The following MAP3K20 variants were observed in gnomAD, a reference collection of about 807,000 sequenced individuals.
MAP3K20 encodes mitogen-activated protein kinase kinase kinase 20.
In MAP3K20, 40 loss-of-function variants were observed where a neutral mutation model predicts 85.7. The observed-to-expected ratio is 0.47, with a 90% CI of 0.36 to 0.61. The LOEUF (loss-of-function observed/expected upper bound fraction) is 0.61, where lower values mean the gene tolerates loss of function less well. Among genes scored for constraint, MAP3K20 ranks in the 20% least tolerant of loss-of-function variants. MAP3K20 has a pLI of 0.00. For synonymous variants in MAP3K20, 325 were observed against 327.7 expected, an observed-to-expected ratio of 0.99 and a Z score of 0.09; for missense variants, 817 against 961.7, an observed-to-expected ratio of 0.85 and a Z score of 1.99.
At chr2:173,164,856 G>A (rs1390613224) in intron 2 of MAP3K20, among the ~76,000 whole-genome samples, 1 of 152,042 alleles carries the variant, frequency 6.6e-6, no homozygotes, top group Non-Finnish European at 1.5e-5. Flanking sequence ...CTAATGGCTC[G>A]TTTTCCCCTG....
intron 8 of MAP3K20, among the ~76,000 whole-genome samples, chr2:173,200,830 C>A (rs1219926517): frequency 6.6e-6 from 1 of 152,118 alleles, no homozygotes; most frequent in African/African-American, 2.4e-5. Flanking sequence ...TGGGGTTTCA[C>A]CATATTGGCC....
chr2:173,090,590 G>A, intron 1 of MAP3K20: 1 of 983,286 alleles, frequency 1.0e-6, no homozygotes. Context: ...AGCGTGGAGA[G>A]GTGGCATGCC....
chr2:173,165,262 C>G (rs1388374596), intron 2 of MAP3K20, among the ~76,000 whole-genome samples: 1 of 151,152 alleles, frequency 6.6e-6, no homozygotes, highest in Non-Finnish European at 1.5e-5. Context: ...AAAAAAAATA[C>G]AAAAATTAGC....
chr2:173,227,349 C>T (rs1173852426), intron 11 of MAP3K20, among the ~76,000 whole-genome samples: 2 of 152,032 alleles, frequency 1.3e-5, no homozygotes, highest in Non-Finnish European at 2.9e-5. Context: ...GAAAGAAAGG[C>T]TTAGAACTCA....
At chr2:173,260,765 CA>C (rs1685273726) in intron 17 of MAP3K20, among the ~76,000 whole-genome samples, 2 of 152,312 alleles carry the variant, frequency 1.3e-5, no homozygotes, top group South Asian at 4.1e-4. Context: ...CAAACTTTAG[CA>C]AGAATTAATG....
At chr2:173,210,416 G>GTGTT (rs1683851067) in intron 10 of MAP3K20, 1 of 153,166 alleles carries the variant, frequency 6.5e-6, no homozygotes, top group African/African-American at 2.4e-5. Flanking sequence ...ACATTTCTCT[G>GTGTT]TGTTTACTTT....
At chr2:173,181,956 T>G (rs1690343858) in intron 3 of MAP3K20, among the ~76,000 whole-genome samples, 1 of 150,924 alleles carries the variant, frequency 6.6e-6, no homozygotes, top group African/African-American at 2.4e-5. Context: ...CTTGGGAGGC[T>G]GAGGTGGGAG....
At chr2:173,137,655 T>G (rs1191900311) in intron 2 of MAP3K20, among the ~76,000 whole-genome samples, 1 of 152,218 alleles carries the variant, frequency 6.6e-6, no homozygotes, top group Non-Finnish European at 1.5e-5. Flanking sequence ...GTTTATAAAA[T>G]ATTCTTTTGA....
chr2:173,175,780 C>T (rs768403070), intron 3 of MAP3K20, among the ~76,000 whole-genome samples: 25 of 152,096 alleles, frequency 1.6e-4, no homozygotes, highest in Non-Finnish European at 3.1e-4. Flanking sequence ...ATTTCTTAGG[C>T]GTTTTGCTGG....
intron 16 of MAP3K20, among the ~76,000 whole-genome samples, chr2:173,240,886 AATAG>A (rs1270480750): frequency 6.6e-6 from 1 of 152,258 alleles, no homozygotes; most frequent in Non-Finnish European, 1.5e-5. Context: ...TCAACAGATG[AATAG>A]ATAAAGAAAA....
intron 1 of MAP3K20, among the ~76,000 whole-genome samples, chr2:173,077,306 T>C (rs1052976703): frequency 1.3e-5 from 2 of 150,396 alleles, no homozygotes; most frequent in Admixed American, 6.7e-5. Flanking sequence ...AAACAAGTGA[T>C]TCAAGGCTAG....
At chr2:173,173,154 C>CTGTG (rs57836780) in intron 3 of MAP3K20, among the ~76,000 whole-genome samples, 3,581 of 138,536 alleles carry the variant, frequency 0.026, 61 homozygotes, top group South Asian at 0.053. Context: ...TCTTTTATTT[C>CTGTG]TGTGTGTGTG....
chr2:173,128,312 C>CTGAT (rs1553567020), intron 2 of MAP3K20, among the ~76,000 whole-genome samples: 1 of 145,828 alleles, frequency 6.9e-6, no homozygotes, highest in Non-Finnish European at 1.5e-5. Flanking sequence ...TTATAGTTGA[C>CTGAT]TTATTTATTT....
At chr2:173,263,988 T>C in intron 19 of MAP3K20, 93 bp downstream of exon 19, 1 of 1,481,944 alleles carries the variant, frequency 6.7e-7, no homozygotes, top group Non-Finnish European at 9.0e-7. Context: ...GGATACCACC[T>C]CAATCAGTTA....
chr2:173,222,226 A>AATTG, intron 11 of MAP3K20: 1 of 985,708 alleles, frequency 1.0e-6, no homozygotes, highest in Non-Finnish European at 1.2e-6. Flanking sequence ...AAAAAGAAAG[A>AATTG]ATTGATAGTA....
At chr2:173,189,816 T>C (rs1690595605) in intron 5 of MAP3K20, among the ~76,000 whole-genome samples, 1 of 152,196 alleles carries the variant, frequency 6.6e-6, no homozygotes, top group Non-Finnish European at 1.5e-5. Flanking sequence ...TATCCAGCCA[T>C]TCATTAAGCC....
At chr2:173,076,060 G>A in intron 1 of MAP3K20, 58 bp downstream of exon 1, 3 of 973,382 alleles carry the variant, frequency 3.1e-6, no homozygotes, top group Non-Finnish European at 3.7e-6. Flanking sequence ...GGCCCGCCGC[G>A]CTCGCGAGTC....
At chr2:173,120,407 C>T (rs1688248357) in intron 2 of MAP3K20, among the ~76,000 whole-genome samples, 1 of 151,960 alleles carries the variant, frequency 6.6e-6, no homozygotes, top group Non-Finnish European at 1.5e-5. Flanking sequence ...CATAGACCTC[C>T]TTGCCCCCAT....
chr2:173,225,825 T>C (rs1311046251), intron 11 of MAP3K20: 12 of 984,700 alleles, frequency 1.2e-5, no homozygotes, highest in Admixed American at 6.2e-5. Flanking sequence ...GGTTTCTTTC[T>C]CCTTAGAAAT....
Sources: allele counts gnomAD v4.1 joint callset (sites outside exome capture counted in the v4.1 genomes callset), GRCh38; gene constraint gnomAD v4.1.1; transcripts MANE v1.5; gene names NCBI Gene and HGNC (gene_info 2026-07-23, HGNC 2026-07-21).